The following ATOSA variants were observed in gnomAD, a reference collection of about 807,000 sequenced individuals.
ATOSA encodes the protein atos homolog protein A.
At chr15:52,672,809 G>C in the ATOSA span, among the ~76,000 whole-genome samples, 1 of 152,120 alleles carries the variant, frequency 6.6e-6, no homozygotes, top group Non-Finnish European at 1.5e-5. Context: ...AGAAATGACA[G>C]GGTTTAGTCC....
chr15:52,652,443 T>C, the ATOSA span, among the ~76,000 whole-genome samples: 2 of 152,152 alleles, frequency 1.3e-5, no homozygotes, highest in Non-Finnish European at 2.9e-5. Context: ...TGAAAATGTA[T>C]AAATACAAAA....
At chr15:52,686,560 CAT>C in the ATOSA span, among the ~76,000 whole-genome samples, 4 of 152,216 alleles carry the variant, frequency 2.6e-5, no homozygotes, top group Non-Finnish European at 5.9e-5. Flanking sequence ...AAATTCTTCA[CAT>C]GTAGTAGATA....
the ATOSA span, chr15:52,658,716 A>G: frequency 8.2e-6 from 3 of 367,300 alleles, no homozygotes; most frequent in Non-Finnish European, 9.6e-6. Flanking sequence ...TTGTAATTCC[A>G]GACTTTAGGA....
the ATOSA span, among the ~76,000 whole-genome samples, chr15:52,684,361 C>T: frequency 6.6e-6 from 1 of 152,102 alleles, no homozygotes; most frequent in African/African-American, 2.4e-5. Context: ...ATAGGGAGAC[C>T]ACTGTCTCTA....
chr15:52,666,961 A>AT, the ATOSA span, among the ~76,000 whole-genome samples: 1 of 152,168 alleles, frequency 6.6e-6, no homozygotes, highest in Non-Finnish European at 1.5e-5. Context: ...TTAAAAAAAA[A>AT]AAAGAGCCAG....
At chr15:52,678,807 T>A in the ATOSA span, 1 of 152,908 alleles carries the variant, frequency 6.5e-6, no homozygotes, top group African/African-American at 2.4e-5. Flanking sequence ...CGGCCCCGGA[T>A]TTCCTTCAGC....
the ATOSA span, among the ~76,000 whole-genome samples, chr15:52,636,990 A>G: frequency 6.6e-6 from 1 of 152,178 alleles, no homozygotes; most frequent in Non-Finnish European, 1.5e-5. Context: ...GTTGGCACTC[A>G]GTTGGAGAAA....
At chr15:52,609,593 T>C in the ATOSA span, 1 of 1,613,078 alleles carries the variant, frequency 6.2e-7, no homozygotes, top group Non-Finnish European at 8.5e-7. Flanking sequence ...TTCCCCTCAT[T>C]GGTGTCTTCT....
chr15:52,595,339 T>C, the ATOSA span, among the ~76,000 whole-genome samples: 3 of 152,178 alleles, frequency 2.0e-5, no homozygotes, highest in African/African-American at 4.8e-5. Flanking sequence ...TCCTAGCACA[T>C]AGTAAGTACT....
chr15:52,616,137 C>T, the ATOSA span, among the ~76,000 whole-genome samples: 2 of 152,174 alleles, frequency 1.3e-5, no homozygotes, highest in Non-Finnish European at 2.9e-5. Context: ...ACTGTGATAA[C>T]CACTCGTACA....
the ATOSA span, among the ~76,000 whole-genome samples, chr15:52,628,312 T>C: frequency 6.6e-6 from 1 of 152,282 alleles, no homozygotes; most frequent in East Asian, 1.9e-4. Flanking sequence ...CTAAGTAATG[T>C]TAGAATCCAA....
At chr15:52,681,214 AATC>A in the ATOSA span, among the ~76,000 whole-genome samples, 3 of 152,262 alleles carry the variant, frequency 2.0e-5, no homozygotes, top group African/African-American at 7.2e-5. Context: ...AAAAATTTGA[AATC>A]ATTATGGCAG....
At chr15:52,582,627 G>A in the ATOSA span, among the ~76,000 whole-genome samples, 1 of 152,110 alleles carries the variant, frequency 6.6e-6, no homozygotes, top group African/African-American at 2.4e-5. Context: ...TTCCTCATCT[G>A]CAGGTTCACG....
At chr15:52,679,819 CCTCCTCCTCCT>C in the ATOSA span, among the ~76,000 whole-genome samples, 2 of 123,504 alleles carry the variant, frequency 1.6e-5, no homozygotes, top group African/African-American at 6.4e-5. Flanking sequence ...TTCCCCCCCT[CCTCCTCCTCCT>C]CCTCCTCCTC....
chr15:52,617,455 T>A, the ATOSA span, among the ~76,000 whole-genome samples: 2 of 152,160 alleles, frequency 1.3e-5, no homozygotes, highest in African/African-American at 4.8e-5. Flanking sequence ...CTATGGTATT[T>A]TATGGCAGCC....
At chr15:52,618,368 C>T in the ATOSA span, among the ~76,000 whole-genome samples, 5 of 152,006 alleles carry the variant, frequency 3.3e-5, no homozygotes, top group Non-Finnish European at 7.4e-5. Context: ...ACAAGGATGT[C>T]TCTTAAAACT....
At chr15:52,608,695 T>C in the ATOSA span, 1 of 1,612,622 alleles carries the variant, frequency 6.2e-7, no homozygotes, top group Non-Finnish European at 8.5e-7. Context: ...TTTTAATTGG[T>C]CTGACTTTTT....
chr15:52,678,189 T>A, the ATOSA span: 1 of 801,636 alleles, frequency 1.2e-6, no homozygotes, highest in East Asian at 2.6e-5. Context: ...AGTAAACTAC[T>A]GTTAAGTTAG....
At chr15:52,690,323 T>C in the ATOSA span, among the ~76,000 whole-genome samples, 4 of 152,230 alleles carry the variant, frequency 2.6e-5, no homozygotes, top group East Asian at 7.7e-4. Context: ...TGGTCTAGCC[T>C]GGAGTATTTA....
Sources: gnomAD v4.1 joint callset for allele counts (sites outside exome capture counted in the v4.1 genomes callset) on GRCh38, gnomAD v4.1.1 for gene constraint, MANE v1.5 for transcripts, NCBI Gene and HGNC (gene_info 2026-07-23, HGNC 2026-07-21) for gene names.